RIMS2: variants seen among roughly 807,000 people sequenced by gnomAD.
The protein encoded by RIMS2 is regulating synaptic membrane exocytosis protein 2.
A neutral mutation model predicts 174.4 loss-of-function variants in RIMS2; 59 were observed. The observed-to-expected ratio is 0.34, with a 90% CI of 0.27 to 0.42. The LOEUF is 0.42. Among genes scored for constraint, RIMS2 ranks in the 10% least tolerant of loss-of-function variants. The pLI is 1.00. For synonymous variants in RIMS2, 606 were observed against 572.5 expected (o/e 1.06, Z -0.84); for missense variants, 1,620 against 1,666.3 (o/e 0.97, Z 0.48).
chr8:103,934,714 T>C (rs2080837018), intron 12 of RIMS2, among the ~76,000 whole-genome samples: 1 of 151,494 alleles, frequency 6.6e-6, no homozygotes, highest in Non-Finnish European at 1.5e-5. Context: ...TTTTTTTTTT[T>C]GAGACAGAGT....
chr8:103,590,570 C>G (rs973985841), intron 1 of RIMS2, among the ~76,000 whole-genome samples: 1 of 151,182 alleles, frequency 6.6e-6, no homozygotes, highest in Non-Finnish European at 1.5e-5. Context: ...TTATAGTGAA[C>G]ACCCATATAC....
chr8:103,809,909 T>G (rs1484973439), intron 3 of RIMS2, among the ~76,000 whole-genome samples: 2 of 152,158 alleles, frequency 1.3e-5, no homozygotes, highest in African/African-American at 2.4e-5. Context: ...ATTTGAGATA[T>G]TAGTCTTGAT....
intron 2 of RIMS2, among the ~76,000 whole-genome samples, chr8:103,755,227 T>C (rs1159838409): frequency 6.6e-6 from 1 of 152,178 alleles, no homozygotes; most frequent in African/African-American, 2.4e-5. Flanking sequence ...GGTTGGAGAA[T>C]CTTTTCTTTA....
chr8:103,690,701 AT>A (rs1221537690), intron 1 of RIMS2, among the ~76,000 whole-genome samples: 1 of 152,192 alleles, frequency 6.6e-6, no homozygotes, highest in Admixed American at 6.6e-5. Flanking sequence ...TGATGCATTC[AT>A]CTTTTAATCT....
intron 19 of RIMS2, among the ~76,000 whole-genome samples, chr8:104,153,406 T>A (rs1002429827): frequency 6.6e-6 from 1 of 152,170 alleles, no homozygotes; most frequent in Non-Finnish European, 1.5e-5. Context: ...TAACAGCATT[T>A]CTATAAAGAT....
intron 2 of RIMS2, among the ~76,000 whole-genome samples, chr8:103,762,015 T>G (rs2098117795): frequency 6.8e-6 from 1 of 147,822 alleles, no homozygotes; most frequent in African/African-American, 2.6e-5. Flanking sequence ...ATATACCTAA[T>G]GTAAATTTTT....
At chr8:104,235,938 G>A (rs1346311851) in intron 19 of RIMS2, among the ~76,000 whole-genome samples, 2 of 151,954 alleles carry the variant, frequency 1.3e-5, no homozygotes, top group Admixed American at 1.3e-4. Context: ...CCAGGATTCA[G>A]TCAAGATTTA....
intron 2 of RIMS2, among the ~76,000 whole-genome samples, chr8:103,757,332 A>G (rs531148619): frequency 5.8e-4 from 89 of 152,212 alleles, no homozygotes; most frequent in Non-Finnish European, 7.9e-4. Flanking sequence ...TGATAATGCC[A>G]TTTTATTTCT....
chr8:103,872,421 G>A (rs978007299), intron 3 of RIMS2, among the ~76,000 whole-genome samples: 29 of 152,140 alleles, frequency 1.9e-4, no homozygotes, highest in African/African-American at 6.8e-4. Context: ...TCTCACTTGA[G>A]ACAAGTCGGC....
In RIMS2 at chr8:103,716,929, C is replaced by T. The variant is rs79313988; in HGVS notation, c.387+19633C>T. ...AGACTACCGGCTAGGTTTTAATAAT[C>T]TGCTAGTGTGTGCCCTTAGTGGTCT... On this transcript the variant is annotated intron_variant, in intron 2 of 23. Transcript: ENST00000504942. Among the ~76,000 whole-genome samples the T allele has an allele frequency of 6.3e-4, 96 of 152,164 alleles. 1 individual carries two copies. Among genetic ancestry groups the T allele is most frequent in the Non-Finnish European group, 1.3e-3 (85 of 67,980 alleles).
Position 104,069,500 on chromosome 8 carries a change from A to T in RIMS2, c.3334+54885A>T, listed in dbSNP as rs1213192711. Among the ~76,000 whole-genome samples the T allele has an allele frequency of 3.4e-5, 4 of 118,178 alleles. No homozygotes were observed. The East Asian group carries it at 6.9e-4, about 20-fold the overall frequency. The allele number at this position is 118,178 out of a possible 152,430, so 77.5% of individuals were successfully genotyped here. On this transcript the variant is annotated intron_variant, in intron 19 of 23. Transcript: ENST00000504942. ...TTTTTTTTTTTTGAGATGGAGTCTC[A>T]CTCTGTTGCCCAGACTGGAGTGCAG... is the stretch of plus-strand genomic sequence containing the variant.
rs2096606373 is a variant in RIMS2, at chr8:104,041,384, ATTATT to A, written c.3334+26776_3334+26780del. 3 of 682,974 alleles carry A rather than the reference ATTATT, an allele frequency of 4.4e-6. No homozygotes were observed. The East Asian group carries it at 8.1e-5, about 18-fold the overall frequency. The allele number at this position is 682,974 out of a possible 1,614,324, so 42.3% of individuals were successfully genotyped here. A position where few individuals can be genotyped will look rare whatever the true frequency, so the allele number is the denominator to read the frequency against. ...GTCTGTCTCTTCTGCTTTTTTTGTT[ATTATT>A]TTATTTATCTAACTTGTCCTAGAAA... On this transcript the variant is annotated intron_variant, in intron 19 of 23. Coordinates refer to ENST00000504942, the Ensembl canonical transcript of RIMS2.
chr8:103,542,395 A>G (rs1366622053), intron 1 of RIMS2, among the ~76,000 whole-genome samples: 1 of 152,218 alleles, frequency 6.6e-6, no homozygotes, highest in Non-Finnish European at 1.5e-5. Flanking sequence ...TCACTGCTGA[A>G]TTTTACTAAA....
intron 19 of RIMS2, among the ~76,000 whole-genome samples, chr8:104,049,655 T>C (rs1205185554): frequency 6.6e-6 from 1 of 152,242 alleles, no homozygotes; most frequent in East Asian, 1.9e-4. Context: ...TTTGTGTGTA[T>C]GTGTGCATGT....
chr8:103,522,686 A>G (rs565790788), intron 1 of RIMS2, among the ~76,000 whole-genome samples: 2 of 152,268 alleles, frequency 1.3e-5, no homozygotes, highest in Admixed American at 1.3e-4. Flanking sequence ...CATTAGAAAA[A>G]GAGTAATCGA....
At chr8:103,947,892 T>C (rs1469764612) in intron 14 of RIMS2, among the ~76,000 whole-genome samples, 1 of 152,186 alleles carries the variant, frequency 6.6e-6, no homozygotes, top group Admixed American at 6.5e-5. Context: ...CAGTTAGTTG[T>C]TTACTGAAAC....
At chr8:103,720,279 T>C (rs1250642480) in intron 2 of RIMS2, among the ~76,000 whole-genome samples, 1 of 152,198 alleles carries the variant, frequency 6.6e-6, no homozygotes, top group African/African-American at 2.4e-5. Flanking sequence ...TAGCTGCTCA[T>C]TGTTATTCTC....
chr8:103,633,549 C>A (rs929640685), intron 1 of RIMS2, among the ~76,000 whole-genome samples: 1 of 152,108 alleles, frequency 6.6e-6, no homozygotes, highest in African/African-American at 2.4e-5. Context: ...GCTGGCCTCA[C>A]AAAATGAATT....
intron 1 of RIMS2, among the ~76,000 whole-genome samples, chr8:103,627,136 C>A (rs2095804994): frequency 2.6e-5 from 4 of 151,978 alleles, no homozygotes. Flanking sequence ...TATAGACCTA[C>A]CCCAGGAATG....
Sources: allele counts gnomAD v4.1 joint callset (sites outside exome capture counted in the v4.1 genomes callset), GRCh38; gene constraint gnomAD v4.1.1; transcripts MANE v1.5; gene names NCBI Gene and HGNC (gene_info 2026-07-23, HGNC 2026-07-21).